The following IPCEF1 variants were observed in gnomAD, a reference collection of about 807,000 sequenced individuals.
The protein encoded by IPCEF1 is interaction protein for cytohesin exchange factors 1, also known as interactor protein for cytohesin exchange factors 1.
IPCEF1 carries 31 observed loss-of-function variants against 50.9 expected under a neutral mutation model. The observed-to-expected ratio is 0.61, with a 90% confidence interval of 0.46 to 0.82. IPCEF1 has a LOEUF of 0.82. Among genes scored for constraint, IPCEF1 ranks in the 40% least tolerant of loss-of-function variants. IPCEF1 has a pLI of 0.00. For synonymous variants in IPCEF1, 181 were observed against 192.0 expected, an observed-to-expected ratio of 0.94 and a Z score of 0.47; for missense variants, 458 against 514.0, an observed-to-expected ratio of 0.89 and a Z score of 1.05.
intron 1 of IPCEF1, among the ~76,000 whole-genome samples, chr6:154,316,912 A>C (rs1783234284): frequency 6.6e-6 from 1 of 152,214 alleles, no homozygotes; most frequent in South Asian, 2.1e-4. Context: ...TAATTGGAAT[A>C]ATAATAATAC....
At chr6:154,199,590 G>T (rs1392800240) in intron 10 of IPCEF1, 78 bp downstream of exon 10, 14 of 1,408,516 alleles carry the variant, frequency 9.9e-6, no homozygotes, top group Non-Finnish European at 1.1e-5. Context: ...AACCATTCTT[G>T]TTACAAATTA....
chr6:154,267,161 T>C (rs1781777976), intron 2 of IPCEF1, among the ~76,000 whole-genome samples: 1 of 151,734 alleles, frequency 6.6e-6, no homozygotes, highest in Middle Eastern at 3.2e-3. Context: ...AAAACCTAAA[T>C]TTAAAAAATC....
chr6:154,304,214 C>G (rs1376446055), intron 1 of IPCEF1, among the ~76,000 whole-genome samples: 1 of 151,818 alleles, frequency 6.6e-6, no homozygotes, highest in Admixed American at 6.6e-5. Flanking sequence ...AGAGCAAGAC[C>G]CTGTCTCAAA....
At chr6:154,303,092 C>CT (rs71021038) in intron 1 of IPCEF1, among the ~76,000 whole-genome samples, 67,740 of 121,298 alleles carry the variant, frequency 0.56, 21,094 homozygotes, top group Non-Finnish European at 0.66. Flanking sequence ...TATGATAGCA[C>CT]TTTTTTTTTT....
chr6:154,272,726 G>A (rs1252900739), intron 2 of IPCEF1, among the ~76,000 whole-genome samples: 1 of 152,224 alleles, frequency 6.6e-6, no homozygotes, highest in East Asian at 1.9e-4. Context: ...GTGTGTTTTA[G>A]CCATTTTAGA....
intron 1 of IPCEF1, among the ~76,000 whole-genome samples, chr6:154,314,718 A>C (rs892867369): frequency 2.6e-5 from 4 of 152,182 alleles, no homozygotes; most frequent in Non-Finnish European, 5.9e-5. Flanking sequence ...AATAGCTCTT[A>C]GTTTTGTAAA....
At chr6:154,324,723 G>A (rs1015330632) in intron 1 of IPCEF1, among the ~76,000 whole-genome samples, 1 of 152,120 alleles carries the variant, frequency 6.6e-6, no homozygotes, top group Non-Finnish European at 1.5e-5. Context: ...CAGGAGAATC[G>A]CTTGAACCCA....
intron 1 of IPCEF1, among the ~76,000 whole-genome samples, chr6:154,347,948 A>T (rs965388460): frequency 2.0e-5 from 3 of 151,992 alleles, no homozygotes; most frequent in Non-Finnish European, 4.4e-5. Context: ...AAATTACTAC[A>T]CCCCATGTCT....
rs187433535 is a variant in IPCEF1, at chr6:154,235,352, G to A, written c.246+11239C>T. 6.6e-3 allele frequency among the ~76,000 whole-genome samples: 999 copies of A among 152,148 alleles called. 8 individuals carry two copies. Among genetic ancestry groups the A allele is most frequent in the African/African-American group, 0.021 (869 of 41,528 alleles). On this transcript the variant is annotated intron_variant, in intron 5 of 11. Coordinates refer to ENST00000367220, the MANE Select transcript of IPCEF1 (RefSeq NM_001130700.2). ...TTGAGACCAGCCTGGCCCACATGGC[G>A]AAAACCCGTCTCTACTAAAAATACA...
At chr6:154,198,960 CAG>C (rs1262628645) in intron 10 of IPCEF1, among the ~76,000 whole-genome samples, 3 of 152,160 alleles carry the variant, frequency 2.0e-5, no homozygotes, top group Admixed American at 2.0e-4. Flanking sequence ...AGCGCACAAT[CAG>C]AAAAGATACG....
intron 10 of IPCEF1, among the ~76,000 whole-genome samples, chr6:154,197,866 G>A (rs982663084): frequency 2.6e-5 from 4 of 152,158 alleles, no homozygotes; most frequent in African/African-American, 9.7e-5. Flanking sequence ...TTCTACTTAC[G>A]ACCCAGTGAT....
In IPCEF1 at chr6:154,312,740, G is replaced by C. The variant is rs1476651486; in HGVS notation, c.-61-22984C>G. ...GTTAATAACAGTGAATTGTATACTT[G>C]AAAATTTCCAAGAGAGATTTTGAGT... On this transcript the variant is annotated intron_variant, in intron 1 of 11. Transcript: ENST00000367220. 1.3e-4 allele frequency among the ~76,000 whole-genome samples: 19 copies of C among 151,904 alleles called. 1 individual carries two copies. Among genetic ancestry groups the C allele is most frequent in the Admixed American group, 1.2e-3 (19 of 15,234 alleles).
At chr6:154,263,240 TAAA>T (rs1427686213) in intron 3 of IPCEF1, among the ~76,000 whole-genome samples, 30 of 150,774 alleles carry the variant, frequency 2.0e-4, no homozygotes, top group Admixed American at 1.6e-3. Flanking sequence ...CTTTTTTTTT[TAAA>T]TTTATTTATT....
At chr6:154,189,797 T>C (rs1191891134) in intron 10 of IPCEF1, among the ~76,000 whole-genome samples, 2 of 151,978 alleles carry the variant, frequency 1.3e-5, no homozygotes, top group African/African-American at 4.8e-5. Context: ...GGTGAAACCC[T>C]GTCTCTACTA....
Position 154,307,411 on chromosome 6 carries a change from T to A in IPCEF1, c.-61-17655A>T, listed in dbSNP as rs1782963595. 2.0e-5 allele frequency among the ~76,000 whole-genome samples: 3 copies of A among 152,230 alleles called. No homozygotes were observed. The South Asian group carries it at 6.2e-4, about 32-fold the overall frequency. The stretch of plus-strand genomic sequence containing the variant: ...TGGTTGTGAGGCTTCCCCAGCCACA[T>A]GCAACTGTGAGTTCTCCATTAAACC... On this transcript the variant is annotated intron_variant, in intron 1 of 11. Transcript: ENST00000367220.
intron 2 of IPCEF1, 67 bp downstream of exon 2, chr6:154,289,646 A>C (rs1782461594): frequency 6.6e-6 from 1 of 152,092 alleles, no homozygotes; most frequent in South Asian, 2.1e-4. Context: ...AGTGAAACTC[A>C]AGCTTTTCAA....
At chr6:154,283,375 T>C (rs1583944199) in intron 2 of IPCEF1, among the ~76,000 whole-genome samples, 1 of 147,280 alleles carries the variant, frequency 6.8e-6, no homozygotes, top group East Asian at 2.0e-4. Context: ...GGCGGGTAGA[T>C]CACAAGGTCA....
In IPCEF1 at chr6:154,195,103, C is replaced by A. The variant is rs146204496; in HGVS notation, c.910+4565G>T. Among the ~76,000 whole-genome samples, 912 of 151,420 alleles carry A rather than the reference C, an allele frequency of 6.0e-3. 5 individuals carry two copies. Among genetic ancestry groups the A allele is most frequent in the African/African-American group, 0.021 (870 of 41,192 alleles). ...CTTATGTCCTGTCTCCTCTTATTCT[C>A]TTCTTCCCTGCACTCTACAGCTAAA... On this transcript the variant is annotated intron_variant, in intron 10 of 11. Coordinates refer to ENST00000367220, the MANE Select transcript of IPCEF1 (RefSeq NM_001130700.2).
chr6:154,289,201 A>T (rs1235405539), intron 2 of IPCEF1, among the ~76,000 whole-genome samples: 1 of 152,072 alleles, frequency 6.6e-6, no homozygotes, highest in Non-Finnish European at 1.5e-5. Flanking sequence ...TCTTTCCTAG[A>T]TCATTAGGAG....
Sources: gnomAD v4.1 joint callset for allele counts (sites outside exome capture counted in the v4.1 genomes callset) on GRCh38, gnomAD v4.1.1 for gene constraint, MANE v1.5 for transcripts, NCBI Gene and HGNC (gene_info 2026-07-23, HGNC 2026-07-21) for gene names.